TMEM131L: variants seen among roughly 807,000 people sequenced by gnomAD.
TMEM131L encodes transmembrane protein 131-like.
In TMEM131L, 54 loss-of-function variants were observed where a neutral mutation model predicts 192.2. The observed-to-expected ratio is 0.28, with a 90% CI of 0.23 to 0.35. The LOEUF (loss-of-function observed/expected upper bound fraction) is 0.35. TMEM131L is among the 10% of genes least tolerant of loss of function. The probability of loss-of-function intolerance (pLI) is 1.00; values close to 1 mark genes in which losing one functional copy is unlikely to be tolerated. For synonymous variants in TMEM131L, 701 were observed against 704.9 expected, an observed-to-expected ratio of 0.99 and a Z score of 0.09; for missense variants, 1,888 against 1,972.9, an observed-to-expected ratio of 0.96 and a Z score of 0.82.
intron 3 of TMEM131L, among the ~76,000 whole-genome samples, chr4:153,496,515 T>C (rs1733182823): frequency 6.6e-6 from 1 of 152,132 alleles, no homozygotes; most frequent in Non-Finnish European, 1.5e-5. Flanking sequence ...GTCATTCTCT[T>C]TGGTTTTGTT....
chr4:153,497,878 CAAAAA>C (rs200874155), intron 3 of TMEM131L, among the ~76,000 whole-genome samples: 162 of 70,336 alleles, frequency 2.3e-3, no homozygotes, highest in South Asian at 7.9e-3. Flanking sequence ...GAAAAATTTC[CAAAAA>C]AAAAAAAAAA....
rs1438180372 is a variant in TMEM131L at position 153,582,424 on chromosome 4, TTTTTTGTTG to T, written c.893-760_893-752del. Among the ~76,000 whole-genome samples, 112 of 125,528 alleles carry T rather than the reference TTTTTTGTTG, an allele frequency of 8.9e-4. 21 individuals carry two copies. Among genetic ancestry groups the T allele is most frequent in the African/African-American group, 4.7e-3 (104 of 21,900 alleles). 82.4% of individuals were successfully genotyped at this position (125,528 alleles called of 152,430 possible). On this transcript the variant is annotated intron_variant, in intron 9 of 34. Coordinates refer to ENST00000409959, the MANE Select transcript of TMEM131L (RefSeq NM_001131007.2). ...TATGCCTGGCTAATTTAAACCGTTT[TTTTTTGTTG>T]TTTTTTTTTTTTTTTTTTTTTTTTT...
intron 3 of TMEM131L, among the ~76,000 whole-genome samples, chr4:153,485,121 TA>T (rs768830957): frequency 0.06 from 6,465 of 106,886 alleles, 267 homozygotes; most frequent in African/African-American, 0.13. Flanking sequence ...TCTGTCTCAT[TA>T]AAAAAAAAAA....
chr4:153,600,051 AAG>A (rs1297224000), intron 21 of TMEM131L, among the ~76,000 whole-genome samples: 1 of 152,076 alleles, frequency 6.6e-6, no homozygotes, highest in African/African-American at 2.4e-5. Context: ...AAAAAGGAAA[AAG>A]AAAAAAATAA....
At chr4:153,552,803 C>T (rs140631638) in intron 4 of TMEM131L, among the ~76,000 whole-genome samples, 126 of 152,104 alleles carry the variant, frequency 8.3e-4, no homozygotes, top group Non-Finnish European at 1.6e-3. Flanking sequence ...CACTGCACTC[C>T]AGCCTAGATG....
chr4:153,633,140 C>G (rs947675772), intron 32 of TMEM131L: 1 of 263,548 alleles, frequency 3.8e-6, no homozygotes, highest in Admixed American at 5.0e-5. Context: ...CTCATAATTC[C>G]TAACTGCTAG....
chr4:153,498,514 G>T (rs1176591569), intron 3 of TMEM131L, among the ~76,000 whole-genome samples: 5 of 152,184 alleles, frequency 3.3e-5, no homozygotes, highest in Admixed American at 3.3e-4. Flanking sequence ...ATGGCTAATC[G>T]CACTATGTGA....
At chr4:153,603,128 CTT>C (rs1731963336) in intron 23 of TMEM131L, among the ~76,000 whole-genome samples, 173 bp from the exon 24 acceptor site, 2 of 152,102 alleles carry the variant, frequency 1.3e-5, no homozygotes, top group Non-Finnish European at 2.9e-5. Flanking sequence ...ATTTTGGAAA[CTT>C]TTGTGTGTGT....
At chr4:153,624,846 T>C (rs777121319) in intron 29 of TMEM131L, among the ~76,000 whole-genome samples, 1 of 152,136 alleles carries the variant, frequency 6.6e-6, no homozygotes, top group African/African-American at 2.4e-5. Flanking sequence ...ATTTCTTCTC[T>C]CTCCCACCAG....
At chr4:153,540,201 C>T (rs566790837) in intron 3 of TMEM131L, among the ~76,000 whole-genome samples, 2 of 152,086 alleles carry the variant, frequency 1.3e-5, no homozygotes, top group South Asian at 4.2e-4. Context: ...TATTCCGGGT[C>T]ATAAAGTTAC....
intron 26 of TMEM131L, among the ~76,000 whole-genome samples, chr4:153,617,210 T>A (rs1387932984): frequency 6.6e-6 from 1 of 152,184 alleles, no homozygotes; most frequent in African/African-American, 2.4e-5. Context: ...TCCCTTCTCT[T>A]GTCTGCTGCC....
At chr4:153,468,047 G>A (rs1244401714) in intron 2 of TMEM131L, among the ~76,000 whole-genome samples, 2 of 152,160 alleles carry the variant, frequency 1.3e-5, no homozygotes, top group Non-Finnish European at 2.9e-5. Flanking sequence ...GAATTATAAG[G>A]AAATATTTAG....
At chr4:153,503,344 C>T (rs1023042036) in intron 3 of TMEM131L, among the ~76,000 whole-genome samples, 3 of 152,044 alleles carry the variant, frequency 2.0e-5, no homozygotes, top group Non-Finnish European at 4.4e-5. Flanking sequence ...AAAGATAGGA[C>T]AGGATTAACC....
chr4:153,555,907 C>T lies in TMEM131L; in HGVS notation c.429C>T (p.Cys143=). The change falls in exon 5 of 35, where the codon TGC becomes TGT. Residue 143 remains cysteine (C), a synonymous_variant. Transcript: ENST00000409959. This position sits in a 1 kb window ranked among gnomAD's most constrained non-coding sequence, Gnocchi z 4.1. ...ATTTCCATGTACCGCCAGTTCCCTG[C>T]AGGGTGGGTGTTGATGGACTCCTGG... ...AGHFHVPPVP[C]RVIPAMGKTS... 1 of 1,551,188 alleles carries T rather than the reference C, an allele frequency of 6.4e-7. No homozygotes were observed. Among genetic ancestry groups the T allele is most frequent in the Non-Finnish European group, 8.7e-7 (1 of 1,146,702 alleles).
intron 3 of TMEM131L, among the ~76,000 whole-genome samples, chr4:153,526,977 C>A (rs1002425637): frequency 6.6e-6 from 1 of 152,022 alleles, no homozygotes; most frequent in Admixed American, 6.6e-5. Flanking sequence ...ATCTTTGTGT[C>A]CCTTTTGTCT....
In TMEM131L at chr4:153,584,931, G is replaced by C; in HGVS notation, c.1157G>C (p.Gly386Ala). 6.2e-7 allele frequency: 1 copy of C among 1,609,214 alleles called. No homozygotes were observed. Among genetic ancestry groups the C allele is most frequent in the Non-Finnish European group, 8.5e-7 (1 of 1,175,664 alleles). ...KACLFSSVAQ[G>A]YFRMDSSATQ... is the part of the protein sequence containing the mutation. ...TGCCTCTTCTCTTCTGTGGCTCAGG[G>C]GTAGGTTACTTCCACTTTCCCTGAA... Residue 386 changes from glycine to alanine, a missense_variant and splice_region_variant, in exon 12 of 35, where the codon GGG becomes GCG. By Grantham distance (60) the Gly-to-Ala change is moderately conservative. Transcript: ENST00000409959.
chr4:153,601,213 G>C (rs1324876149), intron 21 of TMEM131L, among the ~76,000 whole-genome samples: 1 of 151,906 alleles, frequency 6.6e-6, no homozygotes, highest in Non-Finnish European at 1.5e-5. Context: ...GACTTTGAAT[G>C]ATAGAATTAA....
intron 3 of TMEM131L, among the ~76,000 whole-genome samples, chr4:153,538,201 A>G (rs1736489882): frequency 6.6e-6 from 1 of 152,196 alleles, no homozygotes; most frequent in South Asian, 2.1e-4. Context: ...TGTTCCTTCC[A>G]GGTGGGGATG....
intron 3 of TMEM131L, among the ~76,000 whole-genome samples, chr4:153,526,380 T>G (rs1735483800): frequency 6.6e-6 from 1 of 152,132 alleles, no homozygotes; most frequent in African/African-American, 2.4e-5. Flanking sequence ...CACTCCCTCC[T>G]GCAGATACTG....
Sources: gnomAD v4.1 joint callset for allele counts (sites outside exome capture counted in the v4.1 genomes callset) on GRCh38, gnomAD v4.1.1 for gene constraint, Gnocchi (gnomAD v3.1) non-coding constraint, MANE v1.5 for transcripts, NCBI Gene and HGNC (gene_info 2026-07-23, HGNC 2026-07-21) for gene names.